Variants in ZNF423 observed in about 807,000 individuals in gnomAD.
The protein encoded by ZNF423 is zinc finger protein 423, also known as Ebf-associated zinc finger protein.
Under a neutral mutation model 95.8 loss-of-function variants are expected in ZNF423, and 12 were observed. The ratio of observed to expected loss-of-function variants is 0.13; its 90% confidence interval spans 0.08 to 0.20. ZNF423 has a LOEUF of 0.20. Among genes scored for constraint, ZNF423 ranks in the 10% least tolerant of loss-of-function variants. The pLI, the probability that ZNF423 is intolerant of heterozygous loss-of-function variation, is 1.00. For synonymous variants in ZNF423, 749 were observed against 711.9 expected (o/e 1.05, Z -0.83); for missense variants, 1,316 against 1,737.1 (o/e 0.76, Z 4.31).
At chr16:49,564,459 C>A (rs565631235) in intron 5 of ZNF423, among the ~76,000 whole-genome samples, 1 of 152,172 alleles carries the variant, frequency 6.6e-6, no homozygotes, top group Non-Finnish European at 1.5e-5. Context: ...GGGGCCAGGA[C>A]CCAATCCCTG....
rs551148347 is a variant in ZNF423 at position 49,684,079 on chromosome 16, A to T, written c.302-45205T>A. ...GAGCAAGATCTGGTCTCAAAAAATT[A>T]AAATAAAATAAATAAGAGCAGCTAC... On this transcript the variant is annotated intron_variant, in intron 3 of 7. Transcript: ENST00000563137. Among the ~76,000 whole-genome samples the T allele has an allele frequency of 5.3e-5, 8 of 152,270 alleles. 1 individual carries two copies. In the South Asian group the frequency reaches 6.2e-4, roughly 12 times the overall value.
chr16:49,528,056 A>T (rs966044046), intron 5 of ZNF423, among the ~76,000 whole-genome samples: 1 of 152,136 alleles, frequency 6.6e-6, no homozygotes, highest in Non-Finnish European at 1.5e-5. Flanking sequence ...AGACGTCCCC[A>T]GGCTGGGCCC....
chr16:49,820,203 A>G (rs1043266642), intron 1 of ZNF423, among the ~76,000 whole-genome samples: 1 of 152,130 alleles, frequency 6.6e-6, no homozygotes, highest in African/African-American at 2.4e-5. Flanking sequence ...AGAGACTCCC[A>G]GTGGCCTAAC....
At chr16:49,695,815 C>T (rs2031949226) in intron 3 of ZNF423, among the ~76,000 whole-genome samples, 2 of 152,218 alleles carry the variant, frequency 1.3e-5, no homozygotes, top group African/African-American at 2.4e-5. Flanking sequence ...CCAGACTAGA[C>T]AATTTAGTAC....
At chr16:49,856,113 CAAAAAAAAAAAAAAAA>C (rs1179159400), upstream of ZNF423, 2 of 2,678 alleles carry the variant, frequency 7.5e-4, no homozygotes, top group Non-Finnish European at 1.2e-3. Context: ...CCGAGTTATG[CAAAAAAAAAAAAAAAA>C]AAAAAAAAAA....
intron 7 of ZNF423, among the ~76,000 whole-genome samples, chr16:49,510,560 A>G (rs376711984): frequency 2.0e-5 from 3 of 152,186 alleles, no homozygotes; most frequent in African/African-American, 7.2e-5. Flanking sequence ...GAGACTCCCC[A>G]TGTGGGCAGA....
chr16:49,497,124 A>T (rs1967192647), intron 7 of ZNF423, among the ~76,000 whole-genome samples: 1 of 152,136 alleles, frequency 6.6e-6, no homozygotes, highest in African/African-American at 2.4e-5. Context: ...ACAGAATGCC[A>T]TGTCTGCAGG....
intron 5 of ZNF423, among the ~76,000 whole-genome samples, chr16:49,560,996 T>A (rs1388756819): frequency 2.0e-5 from 3 of 152,230 alleles, no homozygotes; most frequent in African/African-American, 7.2e-5. Flanking sequence ...GGCTGGCACT[T>A]GGGAAAACAC....
At chr16:49,766,917 T>C (rs942176696) in intron 2 of ZNF423, among the ~76,000 whole-genome samples, 4 of 152,110 alleles carry the variant, frequency 2.6e-5, no homozygotes, top group African/African-American at 7.2e-5. Context: ...TGCAAACTTA[T>C]GACCTGGCAA....
intron 3 of ZNF423, among the ~76,000 whole-genome samples, chr16:49,686,520 C>A (rs117420925): frequency 6.6e-6 from 1 of 152,114 alleles, no homozygotes; most frequent in Non-Finnish European, 1.5e-5. Context: ...AGTACACAGG[C>A]CTGCGTACGC....
At chr16:49,823,656 AAGG>A (rs1384942803) in intron 1 of ZNF423, among the ~76,000 whole-genome samples, 5 of 152,194 alleles carry the variant, frequency 3.3e-5, no homozygotes, top group African/African-American at 1.2e-4. Context: ...GGGAAAAAAA[AAGG>A]AGAAGAAGGA....
At chr16:49,660,984 GC>G (rs1282500501) in intron 3 of ZNF423, among the ~76,000 whole-genome samples, 1 of 152,146 alleles carries the variant, frequency 6.6e-6, no homozygotes, top group East Asian at 1.9e-4. Context: ...ACTTTGGGAG[GC>G]CAAGGAGGGT....
chr16:49,659,733 A>G (rs2030102568), intron 3 of ZNF423, among the ~76,000 whole-genome samples: 1 of 152,212 alleles, frequency 6.6e-6, no homozygotes, highest in Non-Finnish European at 1.5e-5. Context: ...TCAGGTGCCC[A>G]CCGCTGCAGG....
chr16:49,791,621 G>A (rs530912512), intron 1 of ZNF423, among the ~76,000 whole-genome samples: 59 of 152,296 alleles, frequency 3.9e-4, no homozygotes, highest in African/African-American at 1.3e-3. Flanking sequence ...AAAGGTATAT[G>A]AGCTGATAAA....
intron 3 of ZNF423, among the ~76,000 whole-genome samples, chr16:49,666,093 C>T (rs747283484): frequency 2.6e-5 from 4 of 152,186 alleles, no homozygotes; most frequent in Non-Finnish European, 5.9e-5. Context: ...CAGCGAAGGC[C>T]GGGGAGAGCT....
chr16:49,857,554 A>G (rs932475188), upstream of ZNF423, among the ~76,000 whole-genome samples: 30 of 152,290 alleles, frequency 2.0e-4, no homozygotes, highest in South Asian at 8.3e-4. This position sits in a 1 kb window ranked among gnomAD's most constrained non-coding sequence, Gnocchi z 6.2. Context: ...CACATGAACT[A>G]TCCAGGGACC....
intron 4 of ZNF423, among the ~76,000 whole-genome samples, chr16:49,628,477 C>A (rs763917934): frequency 4.6e-5 from 7 of 151,938 alleles, no homozygotes; most frequent in Non-Finnish European, 8.8e-5. Flanking sequence ...CATCCATCCA[C>A]CTACCTATTG....
At chr16:49,769,875 G>A (rs1188678519) in intron 2 of ZNF423, among the ~76,000 whole-genome samples, 1 of 151,722 alleles carries the variant, frequency 6.6e-6, no homozygotes, top group African/African-American at 2.4e-5. Flanking sequence ...AGTGGGGAAC[G>A]CCTGGGACAC....
At position 49,794,705 on chromosome 16, in the gene ZNF423, C is replaced by T. The variant is rs1031926492; in HGVS notation, c.41-5159G>A. On this transcript the variant is annotated intron_variant, in intron 1 of 7. Transcript: ENST00000563137. Reference sequence around the variant, plus strand: ...TCCCAGACCTGACCTTGCAGGGCAGCTTCCGGCTTAGCCCCTGCTAACCCG... The same window carrying T: ...TCCCAGACCTGACCTTGCAGGGCAGTTTCCGGCTTAGCCCCTGCTAACCCG... Among the ~76,000 whole-genome samples, 2 of 152,212 alleles carry T rather than the reference C, an allele frequency of 1.3e-5. 1 individual carries two copies. Among genetic ancestry groups the T allele is most frequent in the Non-Finnish European group, 2.9e-5 (2 of 68,048 alleles).
Sources: gnomAD v4.1 joint callset for allele counts (sites outside exome capture counted in the v4.1 genomes callset) on GRCh38, gnomAD v4.1.1 for gene constraint, Gnocchi (gnomAD v3.1) non-coding constraint, MANE v1.5 for transcripts, NCBI Gene and HGNC (gene_info 2026-07-23, HGNC 2026-07-21) for gene names.